The following FAM222B variants were observed in gnomAD, a reference collection of about 807,000 sequenced individuals.
The protein encoded by FAM222B is family with sequence similarity 222 member B, also known as protein FAM222B.
In FAM222B, 12 loss-of-function variants were observed where a neutral mutation model predicts 38.0. That is an observed-to-expected ratio of 0.32 (90% CI 0.20 to 0.51). The LOEUF (loss-of-function observed/expected upper bound fraction) is 0.51. Among genes scored for constraint, FAM222B ranks in the 20% least tolerant of loss-of-function variants. FAM222B has a pLI of 0.97. For missense variants in FAM222B, 716 were observed against 754.2 expected (o/e 0.95, Z 0.59); for synonymous variants, 329 against 317.2 (o/e 1.04, Z -0.40).
At chr17:28,812,753 G>A (rs909918326) in intron 1 of FAM222B, among the ~76,000 whole-genome samples, 2 of 150,616 alleles carry the variant, frequency 1.3e-5, no homozygotes, top group African/African-American at 4.9e-5. Context: ...TTCTCCCTCT[G>A]TCCCCTTGTC....
At chr17:28,782,298 G>A (rs2036199416) in intron 1 of FAM222B, among the ~76,000 whole-genome samples, 1 of 151,998 alleles carries the variant, frequency 6.6e-6, no homozygotes, top group Non-Finnish European at 1.5e-5. Flanking sequence ...CTCCAGCCTG[G>A]GTGACACAGT....
intron 1 of FAM222B, among the ~76,000 whole-genome samples, chr17:28,823,257 G>C (rs2038326911): frequency 6.6e-6 from 1 of 151,714 alleles, no homozygotes; most frequent in Non-Finnish European, 1.5e-5. Context: ...CCAATGAACG[G>C]TTCTACTGGA....
At chr17:28,848,530 G>A (rs1226513406) in intron 1 of FAM222B, among the ~76,000 whole-genome samples, 3 of 152,108 alleles carry the variant, frequency 2.0e-5, no homozygotes, top group Admixed American at 1.3e-4. Flanking sequence ...GGAGGCTGAG[G>A]AAGGTGGATC....
At chr17:28,826,702 AAT>A (rs965490003) in intron 1 of FAM222B, among the ~76,000 whole-genome samples, 9 of 148,460 alleles carry the variant, frequency 6.1e-5, no homozygotes, top group African/African-American at 2.2e-4. Flanking sequence ...AAAAAAAAAA[AAT>A]CTGTTTGTTG....
At chr17:28,812,977 TCCTC>T (rs1347772267) in intron 1 of FAM222B, among the ~76,000 whole-genome samples, 2 of 112,772 alleles carry the variant, frequency 1.8e-5, no homozygotes, top group African/African-American at 3.5e-5. Context: ...CACACATCAA[TCCTC>T]CCTGTCGGAA....
intron 1 of FAM222B, chr17:28,854,939 G>T: frequency 2.1e-6 from 3 of 1,403,480 alleles, no homozygotes; most frequent in Non-Finnish European, 2.9e-6. Context: ...TTTCAATTTG[G>T]GCAGACCTAC....
At chr17:28,822,832 A>AAAAT (rs1567887716) in intron 1 of FAM222B, among the ~76,000 whole-genome samples, 18 of 42,786 alleles carry the variant, frequency 4.2e-4, no homozygotes, top group Non-Finnish European at 4.9e-4. Context: ...AAAAAAAAAA[A>AAAAT]ATATATATAT....
chr17:28,785,171 G>A (rs2036348638), intron 1 of FAM222B, among the ~76,000 whole-genome samples: 1 of 146,008 alleles, frequency 6.8e-6, no homozygotes, highest in South Asian at 2.3e-4. Context: ...ATATAAAGCT[G>A]GGTCAGTGGA....
chr17:28,767,803 A>G (rs2035415848), intron 1 of FAM222B, among the ~76,000 whole-genome samples: 1 of 152,036 alleles, frequency 6.6e-6, no homozygotes, highest in Non-Finnish European at 1.5e-5. Flanking sequence ...GAAGGAGGAA[A>G]GCATCCTAGG....
intron 1 of FAM222B, among the ~76,000 whole-genome samples, chr17:28,829,476 GTC>G (rs909313337): frequency 5.3e-5 from 8 of 151,936 alleles, no homozygotes; most frequent in African/African-American, 1.4e-4. Flanking sequence ...CCGGCCCACT[GTC>G]TCTCTAGTCT....
intron 1 of FAM222B, among the ~76,000 whole-genome samples, chr17:28,814,402 A>G (rs866518777): frequency 2.0e-5 from 3 of 152,212 alleles, no homozygotes; most frequent in Non-Finnish European, 4.4e-5. Context: ...CATTTCATAT[A>G]TAACAACCTC....
upstream of FAM222B, among the ~76,000 whole-genome samples, chr17:28,844,363 A>C (rs542637566): frequency 6.6e-6 from 1 of 152,276 alleles, no homozygotes; most frequent in African/African-American, 2.4e-5. Context: ...GAGGAATGTT[A>C]AAAAAATTTA....
At chr17:28,845,138 A>T (rs1178602890), upstream of FAM222B, among the ~76,000 whole-genome samples, 4 of 151,400 alleles carry the variant, frequency 2.6e-5, no homozygotes, top group African/African-American at 9.7e-5. Flanking sequence ...GCGGTGGCTC[A>T]GGCCTGTAAT....
Position 28,817,634 on chromosome 17 carries a change from G to A in FAM222B, c.-41+25048C>T, listed in dbSNP as rs145125679. On this transcript the variant is annotated intron_variant, in intron 1 of 2. Coordinates refer to ENST00000581407, the MANE Select transcript of FAM222B (RefSeq NM_001077498.3). ...CTCGGGAGGCTGAGGCAGGAGAATC[G>A]CTTGAACCCAGGAGGCAGAGGTTGC... Among the ~76,000 whole-genome samples, 1,366 of 152,128 alleles carry A rather than the reference G, an allele frequency of 9.0e-3. 15 individuals are homozygous for A. Among genetic ancestry groups the A allele is most frequent in the African/African-American group, 0.031 (1,298 of 41,506 alleles).
chr17:28,852,612 G>A (rs1598071721), intron 1 of FAM222B, among the ~76,000 whole-genome samples: 1 of 152,130 alleles, frequency 6.6e-6, no homozygotes, highest in Middle Eastern at 3.4e-3. Flanking sequence ...CTCCAGCCTA[G>A]GGGAGCCAGA....
At chr17:28,809,210 G>C (rs1168423129) in intron 1 of FAM222B, among the ~76,000 whole-genome samples, 2 of 152,092 alleles carry the variant, frequency 1.3e-5, no homozygotes, top group Admixed American at 6.6e-5. Flanking sequence ...AATTAGCCAG[G>C]CGTGCTGGTG....
chr17:28,847,013 C>T (rs2039149799), upstream of FAM222B, among the ~76,000 whole-genome samples: 1 of 151,720 alleles, frequency 6.6e-6, no homozygotes. Flanking sequence ...CACCTAAGGT[C>T]AGGAGTTCGA....
In FAM222B at chr17:28,770,994, G is replaced by A. The variant is rs565540697; in HGVS notation, c.-40-4287C>T. ...TATGTGTGTGTATATATATGTGTGTGTATATATATATATTTTTTCTTTTTT... is the reference window on the plus strand; with the variant it reads ...TATGTGTGTGTATATATATGTGTGTATATATATATATATTTTTTCTTTTTT... On this transcript the variant is annotated intron_variant, in intron 1 of 2. Transcript: ENST00000581407. Among the ~76,000 whole-genome samples, 29 of 150,000 alleles carry A rather than the reference G, an allele frequency of 1.9e-4. No homozygotes were observed. The East Asian group carries it at 5.3e-3, about 27-fold the overall frequency.
chr17:28,834,006 T>C (rs1015690069), intron 1 of FAM222B, among the ~76,000 whole-genome samples: 4 of 152,220 alleles, frequency 2.6e-5, no homozygotes, highest in Admixed American at 1.3e-4. Context: ...TTCCACTTAG[T>C]TGTCCATGCC....
Sources: allele counts gnomAD v4.1 joint callset (sites outside exome capture counted in the v4.1 genomes callset), GRCh38; gene constraint gnomAD v4.1.1; transcripts MANE v1.5; gene names NCBI Gene and HGNC (gene_info 2026-07-23, HGNC 2026-07-21).